The following KRT40 variants were observed in gnomAD, a reference collection of about 807,000 sequenced individuals.
The protein encoded by KRT40 is keratin 40, also known as keratin, type I cytoskeletal 40.
In KRT40, 47 loss-of-function variants were observed where a neutral mutation model predicts 43.5. That is an observed-to-expected ratio of 1.08 (90% CI 0.86 to 1.38). The LOEUF (loss-of-function observed/expected upper bound fraction) is 1.38. Ranked by LOEUF, KRT40 falls within the 40% of genes most tolerant of loss-of-function variation. The probability of loss-of-function intolerance (pLI) is 0.00; values close to 1 mark genes in which losing one functional copy is unlikely to be tolerated. For missense variants in KRT40, 573 were observed against 523.6 expected (o/e 1.09, Z -0.92); for synonymous variants, 212 against 214.0 (o/e 0.99, Z 0.08).
chr17:40,983,973 C>T lies in KRT40; in HGVS notation c.301G>A (p.Ala101Thr), dbSNP rs746396746. The T allele has an allele frequency of 1.1e-5, 17 of 1,614,072 alleles. No homozygotes were observed. Among genetic ancestry groups the T allele is most frequent in the South Asian group, 8.8e-5 (8 of 91,066 alleles). Reference protein sequence around the residue: ...ETMQFLNDRLASYLEKVRSLE... With the variant: ...ETMQFLNDRLTSYLEKVRSLE... ...CTGCGCACCTTCTCCAGATAGCTGG[C>T]GAGTCTGTCATTCAGGAACTGCATC... Residue 101 changes from alanine to threonine, a missense_variant, in exon 1 of 7, where the codon GCC (alanine) becomes ACC (threonine). Coordinates refer to ENST00000377755, the MANE Select transcript of KRT40 (RefSeq NM_001389244.1).
intron 5 of KRT40, 29 bp downstream of exon 5, chr17:40,980,756 A>G: frequency 6.4e-7 from 1 of 1,561,770 alleles, no homozygotes; most frequent in Non-Finnish European, 8.6e-7. Context: ...TATCAGTGAC[A>G]CAACGGACAC....
chr17:40,978,922 C>A lies in KRT40; in HGVS notation c.1078G>T (p.Glu360Ter), dbSNP rs765404903. Residue 360 changes from glutamate (E) to a stop codon, truncating the protein, a stop_gained, in exon 6 of 7, where the codon GAG (glutamate) becomes TAG (stop). Coordinates refer to ENST00000377755, the MANE Select transcript of KRT40 (RefSeq NM_001389244.1). LOFTEE classifies it high-confidence loss of function. ...TGTCGCTCCAGGTCGCAGCGGATCT[C>A]GGCCAGCTGGTTCTCCAGGTTATCG... ...LIDNLENQLA[E>*]IRCDLERQNQ... 1 of 1,614,136 alleles carries A rather than the reference C, an allele frequency of 6.2e-7. No individual in the cohort carries two copies. Among genetic ancestry groups the A allele is most frequent in the South Asian group, 1.1e-5 (1 of 91,082 alleles).
intron 3 of KRT40, among the ~76,000 whole-genome samples, chr17:40,981,924 G>A (rs1912180385): frequency 6.6e-6 from 1 of 151,912 alleles, no homozygotes; most frequent in South Asian, 2.1e-4. Flanking sequence ...TGTCACCCAG[G>A]CTGGAGTGCA....
Position 40,981,104 on chromosome 17 carries a change from C to T in KRT40, c.735G>A (p.Glu245=), listed in dbSNP as rs2143675160. Residue 245 remains glutamate (E), a synonymous_variant, in exon 4 of 7, where the codon GAG becomes GAA. Transcript: ENST00000377755. ...REQLGDRLSV[E]LDTAPTLDLN... Reference sequence around the variant, plus strand: ...GGTCAAGGGTGGGGGCAGTGTCCAGCTCCACACTGAGGCGGTCGCCAAGCT... The same window carrying T: ...GGTCAAGGGTGGGGGCAGTGTCCAGTTCCACACTGAGGCGGTCGCCAAGCT... The T allele has an allele frequency of 1.2e-6, 2 of 1,614,216 alleles. No individual in the cohort carries two copies. The highest frequency in any genetic ancestry group is 2.2e-5 in the East Asian group (1 of 44,886).
Position 40,978,877 on chromosome 17 carries a change from G to A in KRT40, c.1123C>T (p.Leu375Phe). 1 of 1,613,944 alleles carries A rather than the reference G, an allele frequency of 6.2e-7. No homozygotes were observed. The highest frequency in any genetic ancestry group is 1.1e-5 in the South Asian group (1 of 91,058). Reference protein sequence around the residue: ...LERQNQEYQVLLDVKARLEGE... With the variant: ...LERQNQEYQVFLDVKARLEGE... ...TCCAGCCGGGCCTTCACGTCCAGGAGCACCTGGTACTCCTGGTTCTGTCGC... is the reference window on the plus strand; with the variant it reads ...TCCAGCCGGGCCTTCACGTCCAGGAACACCTGGTACTCCTGGTTCTGTCGC... The change falls in exon 6 of 7, where the codon CTC becomes TTC. Residue 375 changes from leucine to phenylalanine, a missense_variant. Coordinates refer to ENST00000377755, the MANE Select transcript of KRT40 (RefSeq NM_001389244.1).
chr17:40,979,029 G>A lies in KRT40; in HGVS notation c.976-5C>T, dbSNP rs771961095. ...GGTGCATTCCAGAGATTCTGTCTGC[G>A]GGAGGAAACATTGTCCAAAGGACCA... is the stretch of plus-strand genomic sequence containing the variant. On this transcript the variant is annotated splice_region_variant and splice_polypyrimidine_tract_variant and intron_variant, in intron 5 of 6. Coordinates refer to ENST00000377755, the MANE Select transcript of KRT40 (RefSeq NM_001389244.1). 2.4e-5 allele frequency: 39 copies of A among 1,610,234 alleles called. No homozygotes were observed. The East Asian group carries it at 5.4e-4, about 22-fold the overall frequency.
chr17:40,978,638 C>T (rs1174694445), intron 6 of KRT40, among the ~76,000 whole-genome samples, 166 bp downstream of exon 6: 1 of 148,102 alleles, frequency 6.8e-6, no homozygotes, highest in African/African-American at 2.7e-5. Context: ...TTAAAAATAT[C>T]TCTAGTGTCA....
In KRT40 at chr17:40,982,418, G is replaced by T. The variant is rs1434771202; in HGVS notation, c.576C>A (p.Ile192=). 8.7e-6 allele frequency: 14 copies of T among 1,609,194 alleles called. No individual in the cohort carries two copies. Among genetic ancestry groups the T allele is most frequent in the Non-Finnish European group, 1.2e-5 (14 of 1,177,734 alleles). The change falls in exon 3 of 7, where the codon ATC becomes ATA. Residue 192 remains isoleucine (I), a synonymous_variant. Transcript: ENST00000377755. ...LSLRQLLEAD[I]SSLHGILEEL... ...CCTCCAGGATCCCATGCAGGCTGCT[G>T]ATGTCAGCCTCTAACAGCTGGCGAA...
upstream of KRT40, among the ~76,000 whole-genome samples, chr17:40,984,874 T>TGTGTGTGTGTGTGTGTGTGC (rs1312593694): frequency 6.6e-6 from 1 of 152,074 alleles, no homozygotes; most frequent in Non-Finnish European, 1.5e-5. Flanking sequence ...TGTGTGTGTG[T>TGTGTGTGTGTGTGTGTGTGC]GCAAACCATG....
chr17:40,978,705 G>C, intron 6 of KRT40, 99 bp downstream of exon 6: 1 of 972,180 alleles, frequency 1.0e-6, no homozygotes, highest in South Asian at 1.5e-5. Context: ...TAAACACACT[G>C]GGGAGGTCTG....
intron 2 of KRT40, 125 bp downstream of exon 2, chr17:40,982,920 AC>A (rs1175605956): frequency 7.9e-6 from 4 of 508,934 alleles, no homozygotes; most frequent in African/African-American, 4.0e-5. Context: ...AGGCAGGAGA[AC>A]CACTTGAACC....
At position 40,984,045 on chromosome 17, in the gene KRT40, A is replaced by G. The variant is rs751773622; in HGVS notation, c.229T>C (p.Cys77Arg). The G allele has an allele frequency of 6.2e-7, 1 of 1,614,112 alleles. No individual in the cohort carries two copies. Among genetic ancestry groups the G allele is most frequent in the South Asian group, 1.1e-5 (1 of 91,078 alleles). ...SCNSPCLVGNCAWCEDGVFTS... is the reference protein window; with the variant it reads ...SCNSPCLVGNRAWCEDGVFTS... ...AACACCCCATCCTCACACCAGGCAC[A>G]GTTCCCCACCAAGCAGGGACTATTA... Residue 77 changes from cysteine to arginine, a missense_variant, in exon 1 of 7, where the codon TGT becomes CGT. Physicochemically the swap from Cys to Arg is radical, Grantham distance 180. Coordinates refer to ENST00000377755, the MANE Select transcript of KRT40 (RefSeq NM_001389244.1).
chr17:40,984,341 C>T, upstream of KRT40: 2 of 1,241,970 alleles, frequency 1.6e-6, no homozygotes, highest in East Asian at 2.5e-5. Context: ...ACTCTCCTCT[C>T]CTGAGAGTTT....
At position 40,978,831 on chromosome 17, in the gene KRT40, C is replaced by A. The variant is rs949723130; in HGVS notation, c.1169G>T (p.Trp390Leu). ...ARLEGEINTY[W>L]GLLDSEDSRL... ...GCTGTCCTCGCTGTCCAGCAGGCCC[C>A]AGTACGTGTTGATCTCACCCTCCAG... The change falls in exon 6 of 7, where the codon TGG becomes TTG. Residue 390 changes from tryptophan (W) to leucine (L), a missense_variant. Coordinates refer to ENST00000377755, the MANE Select transcript of KRT40 (RefSeq NM_001389244.1). 3 of 1,612,746 alleles carry A rather than the reference C, an allele frequency of 1.9e-6. No individual in the cohort carries two copies. The highest frequency in any genetic ancestry group is 2.5e-6 in the Non-Finnish European group (3 of 1,179,984).
At chr17:40,981,714 G>T (rs1454064989) in intron 3 of KRT40, among the ~76,000 whole-genome samples, 1 of 152,114 alleles carries the variant, frequency 6.6e-6, no homozygotes, top group Non-Finnish European at 1.5e-5. Context: ...AGCCTCCAAA[G>T]GAAGCCATTT....
chr17:40,985,491 A>G (rs1912429597), upstream of KRT40, among the ~76,000 whole-genome samples: 1 of 152,204 alleles, frequency 6.6e-6, no homozygotes, highest in Non-Finnish European at 1.5e-5. Flanking sequence ...CATTATAGGA[A>G]AAAAACAGAT....
In KRT40 at chr17:40,979,669, T is replaced by C. The variant is rs1912024404; in HGVS notation, c.976-645A>G. Among the ~76,000 whole-genome samples, 5 of 152,116 alleles carry C rather than the reference T, an allele frequency of 3.3e-5. No individual in the cohort carries two copies. In the South Asian group the frequency reaches 1.0e-3, roughly 32 times the overall value. ...CAACATATGAGAGGAAAGATTGAGT[T>C]TGGGCTCTTGGCAGGGAGGGGTAGT... is the stretch of plus-strand genomic sequence containing the variant. On this transcript the variant is annotated intron_variant, in intron 5 of 6. Coordinates refer to ENST00000377755, the MANE Select transcript of KRT40 (RefSeq NM_001389244.1).
At position 40,983,106 on chromosome 17, in the gene KRT40, T is replaced by C; in HGVS notation, c.470A>G (p.Asn157Ser). Residue 157 changes from asparagine (N) to serine (S), a missense_variant, in exon 2 of 7, where the codon AAT (asparagine) becomes AGT (serine). Asn to Ser is a conservative substitution (Grantham distance 46). Transcript: ENST00000377755. ...GTCAAGCTGTACAGCAAGTCTAGAA[T>C]TCTCTGCTTTCGTGCATAAGATCTG... ...QQKILCTKAENSRLAVQLDNC... is the reference protein window; with the variant it reads ...QQKILCTKAESSRLAVQLDNC... 6.7e-7 allele frequency: 1 copy of C among 1,503,426 alleles called. No homozygotes were observed. The highest frequency in any genetic ancestry group is 1.2e-5 in the South Asian group (1 of 86,546). The allele number at this position is 1,503,426 out of a possible 1,614,324, so 93.1% of individuals were successfully genotyped here.
upstream of KRT40, among the ~76,000 whole-genome samples, chr17:40,986,659 A>G (rs1382056762): frequency 1.3e-5 from 2 of 151,900 alleles, no homozygotes; most frequent in Non-Finnish European, 2.9e-5. Context: ...GACAATTTCT[A>G]TAGCATATCA....
Sources: allele counts gnomAD v4.1 joint callset (sites outside exome capture counted in the v4.1 genomes callset), GRCh38; gene constraint gnomAD v4.1.1; transcripts MANE v1.5; gene names NCBI Gene and HGNC (gene_info 2026-07-23, HGNC 2026-07-21).